The following FILIP1 variants were observed in gnomAD, a reference collection of about 807,000 sequenced individuals.
The protein encoded by FILIP1 is filamin A interacting protein 1, also known as filamin-A-interacting protein 1.
A neutral mutation model predicts 102.1 loss-of-function variants in FILIP1; 61 were observed. The observed-to-expected ratio is 0.60, with a 90% CI of 0.49 to 0.74. The LOEUF is 0.74. Among genes scored for constraint, FILIP1 ranks in the 30% least tolerant of loss-of-function variants. The pLI is 0.00. For synonymous variants in FILIP1, 491 were observed against 526.9 expected, an observed-to-expected ratio of 0.93 and a Z score of 0.93; for missense variants, 1,314 against 1,441.2, an observed-to-expected ratio of 0.91 and a Z score of 1.43.
intron 1 of FILIP1, among the ~76,000 whole-genome samples, chr6:75,429,767 A>C (rs1182097817): frequency 6.6e-6 from 1 of 152,184 alleles, no homozygotes; most frequent in Non-Finnish European, 1.5e-5. Context: ...TTCAGGTAGA[A>C]ATGAAGTCAA....
intron 4 of FILIP1, among the ~76,000 whole-genome samples, chr6:75,316,521 A>G (rs889420156): frequency 2.6e-5 from 4 of 152,158 alleles, no homozygotes; most frequent in Non-Finnish European, 5.9e-5. Flanking sequence ...CACTGACTGA[A>G]AGCTGGTGTA....
rs1187887647 is a variant in FILIP1, at chr6:75,313,351, G to A, written c.2481C>T (p.Ser827=). The A allele has an allele frequency of 4.3e-6, 7 of 1,614,064 alleles. No individual in the cohort carries two copies. Among genetic ancestry groups the A allele is most frequent in the Non-Finnish European group, 5.9e-6 (7 of 1,180,028 alleles). ...EETPAVFIRK[S]FQEENHIMSN... ...TCATAATATGATTTTCTTCCTGGAA[G>A]GATTTCCGTATGAATACAGCTGGCG... The change falls in exon 5 of 6, where the codon TCC becomes TCT. Residue 827 remains serine (S), a synonymous_variant. Coordinates refer to ENST00000237172, the MANE Select transcript of FILIP1 (RefSeq NM_015687.5). The surrounding 1 kb of genome is among the most constrained non-coding windows in gnomAD (Gnocchi z 4.2).
intron 2 of FILIP1, among the ~76,000 whole-genome samples, chr6:75,365,096 T>C (rs912901032): frequency 2.0e-5 from 3 of 152,198 alleles, no homozygotes; most frequent in Non-Finnish European, 4.4e-5. Context: ...TTCTCATCTT[T>C]AAATCAGATG....
chr6:75,470,688 C>T (rs773720567), intron 1 of FILIP1, among the ~76,000 whole-genome samples: 32 of 152,150 alleles, frequency 2.1e-4, no homozygotes, highest in Non-Finnish European at 3.8e-4. Flanking sequence ...GACTAACTAG[C>T]TATCCCTTTT....
chr6:75,437,241 A>C (rs1239890822), intron 1 of FILIP1, among the ~76,000 whole-genome samples: 1 of 152,232 alleles, frequency 6.6e-6, no homozygotes, highest in Non-Finnish European at 1.5e-5. Context: ...GAAAAGGAGG[A>C]AAAAATCAGA....
chr6:75,409,826 C>T (rs201564158), intron 2 of FILIP1, among the ~76,000 whole-genome samples: 1 of 152,106 alleles, frequency 6.6e-6, no homozygotes, highest in East Asian at 1.9e-4. Flanking sequence ...TGACTCCTGA[C>T]TCAACCAGTC....
intron 4 of FILIP1, among the ~76,000 whole-genome samples, chr6:75,328,719 C>G (rs557593113): frequency 6.6e-6 from 1 of 152,044 alleles, no homozygotes; most frequent in African/African-American, 2.4e-5. Context: ...AACTCCTGGC[C>G]TCAAGTGAGC....
At chr6:75,318,832 A>C (rs566299355) in intron 4 of FILIP1, among the ~76,000 whole-genome samples, 10 of 152,232 alleles carry the variant, frequency 6.6e-5, no homozygotes, top group Non-Finnish European at 1.5e-4. Flanking sequence ...GTTACTGGCT[A>C]TTGAAAATAC....
chr6:75,321,764 G>A (rs571699042), intron 4 of FILIP1, among the ~76,000 whole-genome samples: 94 of 151,022 alleles, frequency 6.2e-4, no homozygotes, highest in African/African-American at 1.9e-3. Flanking sequence ...ACTGCAGTCC[G>A]CAGTCCGACC....
intron 2 of FILIP1, among the ~76,000 whole-genome samples, chr6:75,395,081 C>T (rs1425453554): frequency 6.6e-6 from 1 of 151,764 alleles, no homozygotes; most frequent in Non-Finnish European, 1.5e-5. Flanking sequence ...TCTATGTGTA[C>T]TAATAGGGAA....
At chr6:75,306,561 A>C (rs1772992556), downstream of FILIP1, among the ~76,000 whole-genome samples, 1 of 152,190 alleles carries the variant, frequency 6.6e-6, no homozygotes, top group Non-Finnish European at 1.5e-5. Context: ...TCATTTTTGA[A>C]AGCGTTGAAT....
intron 3 of FILIP1, chr6:75,358,717 T>TA (rs1775083860): frequency 6.6e-6 from 1 of 152,124 alleles, no homozygotes; most frequent in African/African-American, 2.4e-5. Context: ...TTTAATTTTT[T>TA]AATTTTTTAA....
intron 2 of FILIP1, among the ~76,000 whole-genome samples, chr6:75,382,472 T>A (rs1258858118): frequency 6.6e-6 from 1 of 152,214 alleles, no homozygotes; most frequent in Non-Finnish European, 1.5e-5. Context: ...TTCACTGACA[T>A]AATTAATTAT....
At chr6:75,371,589 T>C (rs1390462223) in intron 2 of FILIP1, among the ~76,000 whole-genome samples, 1 of 152,170 alleles carries the variant, frequency 6.6e-6, no homozygotes, top group Admixed American at 6.5e-5. Context: ...AAACTTACAC[T>C]AATCAAAATA....
intron 1 of FILIP1, among the ~76,000 whole-genome samples, chr6:75,479,397 C>G (rs969874548): frequency 6.6e-6 from 1 of 152,052 alleles, no homozygotes; most frequent in Non-Finnish European, 1.5e-5. Flanking sequence ...TTCCTCATAC[C>G]CTCACCATAC....
At chr6:75,397,120 C>G (rs1448746448) in intron 2 of FILIP1, among the ~76,000 whole-genome samples, 1 of 151,766 alleles carries the variant, frequency 6.6e-6, no homozygotes, top group Non-Finnish European at 1.5e-5. Context: ...ACATATGTAA[C>G]TAACCTGCAC....
intron 1 of FILIP1, among the ~76,000 whole-genome samples, chr6:75,486,856 G>A (rs2149785348): frequency 6.6e-6 from 1 of 152,044 alleles, no homozygotes; most frequent in South Asian, 2.1e-4. Context: ...TACTGCATAT[G>A]TTGTATATTA....
chr6:75,316,062 A>G (rs143754013), intron 4 of FILIP1, among the ~76,000 whole-genome samples: 136 of 152,344 alleles, frequency 8.9e-4, no homozygotes, highest in African/African-American at 3.0e-3. Context: ...CTGTATATCA[A>G]TACAAAAATG....
chr6:75,394,857 G>A (rs72887219), intron 2 of FILIP1, among the ~76,000 whole-genome samples: 17,220 of 152,122 alleles, frequency 0.11, 1,229 homozygotes, highest in South Asian at 0.23. Flanking sequence ...AAAATCTATC[G>A]CAAATTTATA....
Sources: allele counts gnomAD v4.1 joint callset (sites outside exome capture counted in the v4.1 genomes callset), GRCh38; gene constraint gnomAD v4.1.1; non-coding constraint Gnocchi (gnomAD v3.1); transcripts MANE v1.5; gene names NCBI Gene and HGNC (gene_info 2026-07-23, HGNC 2026-07-21).